The following ST6GALNAC5 variants were observed in gnomAD, a reference collection of about 807,000 sequenced individuals.
ST6GALNAC5 encodes ST6 N-acetylgalactosaminide alpha-2,6-sialyltransferase 5.
In ST6GALNAC5, 27 loss-of-function variants were observed where a neutral mutation model predicts 33.6. The ratio of observed to expected loss-of-function variants is 0.80; its 90% confidence interval spans 0.59 to 1.11. The LOEUF is 1.11. Ranked by LOEUF, ST6GALNAC5 falls within the 50% of genes least tolerant of loss-of-function variation. ST6GALNAC5 has a pLI of 0.00. For missense variants in ST6GALNAC5, 428 were observed against 454.0 expected, an observed-to-expected ratio of 0.94 and a Z score of 0.52; for synonymous variants, 194 against 171.2, an observed-to-expected ratio of 1.13 and a Z score of -1.04.
chr1:76,915,077 A>C (rs1646955847), intron 2 of ST6GALNAC5, among the ~76,000 whole-genome samples: 4 of 152,154 alleles, frequency 2.6e-5, no homozygotes, highest in Non-Finnish European at 5.9e-5. Context: ...TGCAGCCAAA[A>C]GACACATGAA....
intron 2 of ST6GALNAC5, among the ~76,000 whole-genome samples, chr1:76,918,446 C>T (rs141688324): frequency 0.037 from 5,539 of 151,736 alleles, 354 homozygotes; most frequent in African/African-American, 0.13. Flanking sequence ...GGTAAAACCC[C>T]GTCTCTAATA....
chr1:77,029,119 G>A (rs758892472), intron 2 of ST6GALNAC5, among the ~76,000 whole-genome samples: 2 of 152,112 alleles, frequency 1.3e-5, no homozygotes, highest in Non-Finnish European at 2.9e-5. Flanking sequence ...AGGGATGAGG[G>A]GGTTACAGAA....
intron 2 of ST6GALNAC5, among the ~76,000 whole-genome samples, chr1:77,008,756 C>T (rs1650520106): frequency 6.6e-6 from 1 of 152,138 alleles, no homozygotes; most frequent in Non-Finnish European, 1.5e-5. Flanking sequence ...TCTTGAACTC[C>T]TGACCTCAGA....
intron 2 of ST6GALNAC5, among the ~76,000 whole-genome samples, chr1:76,960,218 A>C (rs965565255): frequency 6.6e-6 from 1 of 152,142 alleles, no homozygotes; most frequent in African/African-American, 2.4e-5. Flanking sequence ...AGAGTACAAA[A>C]GAGAGAAATT....
At chr1:76,931,106 T>C (rs895595642) in intron 2 of ST6GALNAC5, among the ~76,000 whole-genome samples, 9 of 152,262 alleles carry the variant, frequency 5.9e-5, no homozygotes, top group African/African-American at 2.2e-4. Flanking sequence ...TCAGAAAGTA[T>C]GCAGCCCTGT....
At chr1:76,943,312 T>G (rs968970169) in intron 2 of ST6GALNAC5, among the ~76,000 whole-genome samples, 1 of 152,142 alleles carries the variant, frequency 6.6e-6, no homozygotes, top group Non-Finnish European at 1.5e-5. Flanking sequence ...GTCCACAGTC[T>G]TTACCATTAT....
Position 76,873,816 on chromosome 1 carries a change from T to C in ST6GALNAC5, c.261+5074T>C, listed in dbSNP as rs377285899. On this transcript the variant is annotated intron_variant, in intron 2 of 4. Transcript: ENST00000477717. ...TTTTAATCATCACAATGTGTAGTTCTGTAGCTAATTCATTTCTAGGTTTTT... is the reference window on the plus strand; with the variant it reads ...TTTTAATCATCACAATGTGTAGTTCCGTAGCTAATTCATTTCTAGGTTTTT... Among the ~76,000 whole-genome samples the C allele has an allele frequency of 2.6e-4, 40 of 152,362 alleles. No individual in the cohort carries two copies. In the East Asian group the frequency reaches 7.7e-3, roughly 29 times the overall value.
At chr1:76,951,091 C>T (rs1425191370) in intron 2 of ST6GALNAC5, among the ~76,000 whole-genome samples, 1 of 152,012 alleles carries the variant, frequency 6.6e-6, no homozygotes, top group Non-Finnish European at 1.5e-5. Context: ...TGAGGGAAAC[C>T]AGAGCATTTT....
chr1:77,010,719 G>A (rs113214195), intron 2 of ST6GALNAC5, among the ~76,000 whole-genome samples: 1,659 of 152,222 alleles, frequency 0.011, 31 homozygotes, highest in African/African-American at 0.038. Context: ...TGTGGCTCCA[G>A]GACACCCCAA....
At chr1:76,983,286 A>G (rs1649335353) in intron 2 of ST6GALNAC5, among the ~76,000 whole-genome samples, 1 of 152,184 alleles carries the variant, frequency 6.6e-6, no homozygotes, top group African/African-American at 2.4e-5. Flanking sequence ...GCAAAGACTC[A>G]CATAGACTCA....
chr1:76,929,115 C>G lies in ST6GALNAC5; in HGVS notation c.261+60373C>G, dbSNP rs1053795658. Among the ~76,000 whole-genome samples, 5 of 152,130 alleles carry G rather than the reference C, an allele frequency of 3.3e-5. No individual in the cohort carries two copies. The East Asian group carries it at 9.7e-4, about 30-fold the overall frequency. Reference sequence around the variant, plus strand: ...TAGTGGTGAGATGATAGAAATAATCCCTGGCTTCAGTGAGTTACAATCTCA... The same window carrying G: ...TAGTGGTGAGATGATAGAAATAATCGCTGGCTTCAGTGAGTTACAATCTCA... On this transcript the variant is annotated intron_variant, in intron 2 of 4. Transcript: ENST00000477717.
rs1422889766 is a variant in ST6GALNAC5, at chr1:76,915,000, A to G, written c.261+46258A>G. Among the ~76,000 whole-genome samples the G allele has an allele frequency of 5.3e-3, 804 of 151,302 alleles. 5 individuals are homozygous for G. Among genetic ancestry groups the G allele is most frequent in the African/African-American group, 0.019 (767 of 41,392 alleles). On this transcript the variant is annotated intron_variant, in intron 2 of 4. Transcript: ENST00000477717. ...GAACTCAAACAAATTTACAAGAAAA[A>G]AACAAACAACCCCATCAAAAAGTGG...
intron 2 of ST6GALNAC5, among the ~76,000 whole-genome samples, chr1:76,924,248 G>C (rs548998570): frequency 6.6e-6 from 1 of 152,084 alleles, no homozygotes; most frequent in African/African-American, 2.4e-5. Flanking sequence ...TTTCAACTGC[G>C]AGATGTGAAA....
At chr1:77,015,050 AACACACAC>A (rs5775372) in intron 2 of ST6GALNAC5, among the ~76,000 whole-genome samples, 1 of 122,504 alleles carries the variant, frequency 8.2e-6, no homozygotes, top group African/African-American at 3.6e-5. Context: ...CTCGCACACA[AACACACAC>A]ACACACACAC....
chr1:76,895,397 G>A (rs982036790), intron 2 of ST6GALNAC5, among the ~76,000 whole-genome samples: 1 of 151,988 alleles, frequency 6.6e-6, no homozygotes, highest in Non-Finnish European at 1.5e-5. Flanking sequence ...GCTGAAGGAA[G>A]ATTTTGTGGT....
chr1:76,914,832 T>C (rs1333088988), intron 2 of ST6GALNAC5, among the ~76,000 whole-genome samples: 7 of 152,094 alleles, frequency 4.6e-5, no homozygotes, highest in Non-Finnish European at 1.0e-4. Context: ...AAAGCCAAAA[T>C]TGACAAATGG....
intron 2 of ST6GALNAC5, among the ~76,000 whole-genome samples, chr1:76,935,236 G>C (rs778759807): frequency 9.2e-5 from 14 of 151,922 alleles, no homozygotes; most frequent in Non-Finnish European, 1.6e-4. Flanking sequence ...AATAAATAAC[G>C]ACAGTGTGTC....
rs115020703 is a variant in ST6GALNAC5, at chr1:76,894,580, G to C, written c.261+25838G>C. 7.3e-3 allele frequency among the ~76,000 whole-genome samples: 1,111 copies of C among 152,258 alleles called. 13 individuals are homozygous for C. Among genetic ancestry groups the C allele is most frequent in the African/African-American group, 0.026 (1,065 of 41,532 alleles). On this transcript the variant is annotated intron_variant, in intron 2 of 4. Coordinates refer to ENST00000477717, the MANE Select transcript of ST6GALNAC5 (RefSeq NM_030965.3). ...TATTGCCACTTGTAACTCAGCAATT[G>C]AGGTCACAGTCAAAGAAAAAAACCT...
chr1:77,057,241 C>T (rs1236270241), intron 4 of ST6GALNAC5, among the ~76,000 whole-genome samples: 4 of 152,112 alleles, frequency 2.6e-5, no homozygotes, highest in Non-Finnish European at 5.9e-5. Context: ...ATAGTCCAGC[C>T]CCAAACCCAG....
Sources: allele counts gnomAD v4.1 joint callset (sites outside exome capture counted in the v4.1 genomes callset), GRCh38; gene constraint gnomAD v4.1.1; transcripts MANE v1.5; gene names NCBI Gene and HGNC (gene_info 2026-07-23, HGNC 2026-07-21).